Variants in C12orf42 observed in about 807,000 individuals in gnomAD.
C12orf42 encodes uncharacterized protein C12orf42.
Under a neutral mutation model 21.6 loss-of-function variants are expected in C12orf42, and 25 were observed. The ratio of observed to expected loss-of-function variants is 1.16; its 90% CI spans 0.84 to 1.62. The LOEUF (loss-of-function observed/expected upper bound fraction) is 1.62, where lower values mean the gene tolerates loss of function less well. Among genes scored for constraint, C12orf42 ranks in the 40% most tolerant of loss-of-function variants. C12orf42 has a pLI of 0.00. For synonymous variants in C12orf42, 174 were observed against 175.0 expected (o/e 0.99, Z 0.05); for missense variants, 483 against 459.3 (o/e 1.05, Z -0.47).
At chr12:103,189,181 G>A in the C12orf42 span, among the ~76,000 whole-genome samples, 1 of 152,206 alleles carries the variant, frequency 6.6e-6, no homozygotes, top group Non-Finnish European at 1.5e-5. Flanking sequence ...CTTGCTTCAG[G>A]TAGACCACTG....
At chr12:103,166,667 T>C in the C12orf42 span, among the ~76,000 whole-genome samples, 1 of 152,230 alleles carries the variant, frequency 6.6e-6, no homozygotes, top group Non-Finnish European at 1.5e-5. Context: ...TTAAAATTCT[T>C]GCCTGAAATG....
the C12orf42 span, among the ~76,000 whole-genome samples, chr12:103,093,427 G>C: frequency 3.9e-5 from 6 of 152,136 alleles, no homozygotes; most frequent in African/African-American, 1.4e-4. Context: ...AACAATCCTT[G>C]GTCTTTGAGT....
At chr12:103,401,771 TA>T in intron 2 of C12orf42, 96 bp from the exon 3 acceptor site, 2 of 1,152,762 alleles carry the variant, frequency 1.7e-6, no homozygotes, top group Non-Finnish European at 2.5e-6. Flanking sequence ...GATCAGAAGC[TA>T]ATTCTTTCAA....
At chr12:103,173,349 A>G in the C12orf42 span, among the ~76,000 whole-genome samples, 1 of 152,130 alleles carries the variant, frequency 6.6e-6, no homozygotes, top group African/African-American at 2.4e-5. Context: ...CCAATTCCCT[A>G]TTTGGAGATT....
chr12:103,270,685 G>A (rs957028518), intron 5 of C12orf42, among the ~76,000 whole-genome samples: 5 of 150,078 alleles, frequency 3.3e-5, no homozygotes, highest in Admixed American at 2.0e-4. Flanking sequence ...CCATTAACTC[G>A]TCATTTAGCA....
intron 2 of C12orf42, among the ~76,000 whole-genome samples, chr12:103,464,470 T>C (rs554296270): frequency 6.6e-5 from 10 of 152,064 alleles, no homozygotes; most frequent in African/African-American, 2.4e-4. Flanking sequence ...TATTAGACCT[T>C]TGTCAGATAG....
At chr12:103,505,977 G>C in the C12orf42 span, 1 of 171,288 alleles carries the variant, frequency 5.8e-6, no homozygotes, top group African/African-American at 2.4e-5. Context: ...TTGCTCAGGC[G>C]GGATACCTCA....
At chr12:103,520,524 T>TAACAACAAC in the C12orf42 span, among the ~76,000 whole-genome samples, 539 of 149,952 alleles carry the variant, frequency 3.6e-3, 7 homozygotes, top group Admixed American at 0.02. Context: ...CCTCTGCCCC[T>TAACAACAAC]AACAACAACA....
the C12orf42 span, among the ~76,000 whole-genome samples, chr12:103,058,389 G>A: frequency 0.14 from 21,164 of 152,094 alleles, 1,605 homozygotes; most frequent in East Asian, 0.26. Flanking sequence ...ATGTCAGATG[G>A]ATAGCTTGCA....
At chr12:103,062,867 A>G in the C12orf42 span, among the ~76,000 whole-genome samples, 1 of 151,822 alleles carries the variant, frequency 6.6e-6, no homozygotes, top group African/African-American at 2.4e-5. Context: ...CCTCTCTTCT[A>G]TTATTTGAAG....
chr12:103,535,595 A>G, the C12orf42 span, among the ~76,000 whole-genome samples: 18 of 152,090 alleles, frequency 1.2e-4, no homozygotes, highest in Admixed American at 1.2e-3. Context: ...TAGGGAGGTA[A>G]TATATCAGAT....
At chr12:103,266,726 T>C (rs1315091523), downstream of C12orf42, among the ~76,000 whole-genome samples, 3 of 152,178 alleles carry the variant, frequency 2.0e-5, no homozygotes, top group African/African-American at 7.2e-5. Flanking sequence ...TTCCTTTCTG[T>C]TCTACATCTT....
chr12:103,306,397 A>G (rs2038335974), intron 4 of C12orf42, 52 bp from the exon 5 acceptor site: 1 of 1,511,380 alleles, frequency 6.6e-7, no homozygotes, highest in Admixed American at 2.2e-5. Flanking sequence ...ACACCTGCTA[A>G]ATTAATGGCA....
intron 10 of C12orf42, among the ~76,000 whole-genome samples, chr12:103,259,064 A>T (rs971634126): frequency 6.6e-6 from 1 of 152,224 alleles, no homozygotes; most frequent in Non-Finnish European, 1.5e-5. Flanking sequence ...TGTTCTTGGT[A>T]CATGGATAGG....
At chr12:103,547,353 A>G in the C12orf42 span, among the ~76,000 whole-genome samples, 42 of 152,244 alleles carry the variant, frequency 2.8e-4, no homozygotes, top group African/African-American at 8.7e-4. Context: ...ATTATTGTAG[A>G]AAGTTCTATT....
At chr12:103,266,333 G>A (rs974092250), downstream of C12orf42, among the ~76,000 whole-genome samples, 1 of 152,102 alleles carries the variant, frequency 6.6e-6, no homozygotes, top group Non-Finnish European at 1.5e-5. Flanking sequence ...TTTAGAAAGT[G>A]GATGGCCCAG....
the C12orf42 span, chr12:103,164,515 A>T: frequency 2.2e-6 from 1 of 449,002 alleles, no homozygotes; most frequent in East Asian, 7.0e-5. Context: ...CCAGGAAAGA[A>T]TTGGGCATTG....
At chr12:103,482,747 C>T (rs1308820416) in intron 1 of C12orf42, among the ~76,000 whole-genome samples, 1 of 151,856 alleles carries the variant, frequency 6.6e-6, no homozygotes, top group East Asian at 1.9e-4. Flanking sequence ...ATTTGTTAGA[C>T]CTTTTTCTCT....
chr12:103,330,189 T>TG (rs1215324876), intron 4 of C12orf42, among the ~76,000 whole-genome samples: 5 of 152,242 alleles, frequency 3.3e-5, no homozygotes, highest in Admixed American at 3.3e-4. Context: ...AGTGTTTAAT[T>TG]GGGATTATAT....
Sources: allele counts gnomAD v4.1 joint callset (sites outside exome capture counted in the v4.1 genomes callset), GRCh38; gene constraint gnomAD v4.1.1; transcripts MANE v1.5; gene names NCBI Gene and HGNC (gene_info 2026-07-23, HGNC 2026-07-21).